The following LRRC4C variants were observed in gnomAD, a reference collection of about 807,000 sequenced individuals.
The protein encoded by LRRC4C is leucine rich repeat containing 4C.
In LRRC4C, 5 loss-of-function variants were observed where a neutral mutation model predicts 33.6. The ratio of observed to expected loss-of-function variants is 0.15; its 90% CI spans 0.08 to 0.31. LRRC4C has a LOEUF of 0.31. Ranked by LOEUF, LRRC4C falls within the 10% of genes least tolerant of loss-of-function variation. The pLI is 1.00. For synonymous variants in LRRC4C, 329 were observed against 302.0 expected, an observed-to-expected ratio of 1.09 and a Z score of -0.93; for missense variants, 560 against 796.7, an observed-to-expected ratio of 0.70 and a Z score of 3.58.
intron 4 of LRRC4C, among the ~76,000 whole-genome samples, chr11:40,295,558 T>G (rs1944467545): frequency 6.6e-6 from 1 of 152,212 alleles, no homozygotes; most frequent in Non-Finnish European, 1.5e-5. Context: ...GCTATTTTTT[T>G]CCTCTTCTGT....
intron 5 of LRRC4C, among the ~76,000 whole-genome samples, chr11:40,176,858 T>C (rs750653993): frequency 6.6e-6 from 1 of 151,786 alleles, no homozygotes; most frequent in African/African-American, 2.4e-5. Context: ...ACTTTTAAAA[T>C]TGCTCTTTTT....
intron 1 of LRRC4C, among the ~76,000 whole-genome samples, chr11:41,336,022 T>G (rs1951440830): frequency 6.6e-6 from 1 of 152,314 alleles, no homozygotes; most frequent in East Asian, 1.9e-4. Flanking sequence ...AGTCTATTTC[T>G]TATATTTGAG....
intron 2 of LRRC4C, among the ~76,000 whole-genome samples, chr11:40,841,928 G>T (rs530919108): frequency 6.6e-6 from 1 of 152,082 alleles, no homozygotes; most frequent in Admixed American, 6.6e-5. Context: ...CTTGAGCAGG[G>T]TATAATACAA....
chr11:41,044,047 A>T (rs531652124), intron 1 of LRRC4C, among the ~76,000 whole-genome samples: 86 of 152,126 alleles, frequency 5.7e-4, no homozygotes, highest in Non-Finnish European at 1.0e-3. Flanking sequence ...TAGAAACAAG[A>T]TTCCTGAATT....
intron 3 of LRRC4C, among the ~76,000 whole-genome samples, chr11:40,645,081 A>T (rs1383367869): frequency 6.6e-6 from 1 of 152,158 alleles, no homozygotes; most frequent in Non-Finnish European, 1.5e-5. Flanking sequence ...GAATGTCCTT[A>T]GTTGATTTTA....
In LRRC4C at chr11:40,649,932, T is replaced by A. The variant is rs1942690180; in HGVS notation, c.-406-1654A>T. ...CTTATAAATAGGGGAAGTTAGATAATAAGTCCATTTAAACTGAATACCATA... is the reference window on the plus strand; with the variant it reads ...CTTATAAATAGGGGAAGTTAGATAAAAAGTCCATTTAAACTGAATACCATA... On this transcript the variant is annotated intron_variant, in intron 2 of 6. Coordinates refer to ENST00000528697, the MANE Select transcript of LRRC4C (RefSeq NM_001258419.2). Among the ~76,000 whole-genome samples the A allele has an allele frequency of 1.3e-5, 2 of 152,320 alleles. 1 individual carries two copies. The highest frequency in any genetic ancestry group is 4.1e-4 in the South Asian group (2 of 4,824).
chr11:41,360,387 G>GA (rs1952312745), intron 1 of LRRC4C, among the ~76,000 whole-genome samples: 1 of 151,294 alleles, frequency 6.6e-6, no homozygotes, highest in Non-Finnish European at 1.5e-5. Flanking sequence ...AAGGGTCTTT[G>GA]AAAAAAATGG....
At chr11:40,762,870 C>T (rs1949285930) in intron 2 of LRRC4C, among the ~76,000 whole-genome samples, 1 of 151,664 alleles carries the variant, frequency 6.6e-6, no homozygotes, top group African/African-American at 2.4e-5. Flanking sequence ...CTACTGATAC[C>T]CTTGTAAATT....
intron 3 of LRRC4C, among the ~76,000 whole-genome samples, chr11:40,544,109 A>C (rs917560620): frequency 7.9e-5 from 12 of 152,088 alleles, no homozygotes; most frequent in African/African-American, 2.7e-4. Flanking sequence ...GATTTTAAAA[A>C]CATCTATAGT....
At chr11:40,217,059 G>C (rs1864029492) in intron 5 of LRRC4C, among the ~76,000 whole-genome samples, 1 of 152,058 alleles carries the variant, frequency 6.6e-6, no homozygotes, top group South Asian at 2.1e-4. Context: ...AGAGTGATGT[G>C]GTTGGAAAGG....
intron 1 of LRRC4C, among the ~76,000 whole-genome samples, chr11:41,189,237 A>G (rs1247487989): frequency 6.6e-6 from 1 of 152,196 alleles, no homozygotes; most frequent in Non-Finnish European, 1.5e-5. Context: ...ATCATTGAAC[A>G]TGGTCAGTGC....
intron 3 of LRRC4C, among the ~76,000 whole-genome samples, chr11:40,614,993 CACAGGAACACA>C (rs1425111263): frequency 6.6e-6 from 1 of 151,442 alleles, no homozygotes; most frequent in African/African-American, 2.4e-5. Context: ...TAAAACGTAA[CACAGGAACACA>C]AAGTGAGCAC....
intron 5 of LRRC4C, among the ~76,000 whole-genome samples, chr11:40,203,439 C>T (rs1390583306): frequency 6.6e-6 from 1 of 152,144 alleles, no homozygotes; most frequent in African/African-American, 2.4e-5. Flanking sequence ...TTATACCTTT[C>T]TTCCATTCAA....
intron 1 of LRRC4C, among the ~76,000 whole-genome samples, chr11:40,968,299 T>C (rs1851494499): frequency 6.6e-6 from 1 of 152,102 alleles, no homozygotes; most frequent in Admixed American, 6.6e-5. Flanking sequence ...CAGAGGTTGG[T>C]TCACCAGGCT....
At chr11:40,332,049 T>C (rs537128690) in intron 3 of LRRC4C, among the ~76,000 whole-genome samples, 162 of 152,318 alleles carry the variant, frequency 1.1e-3, no homozygotes, top group Non-Finnish European at 1.6e-3. Flanking sequence ...GCAATTTCTG[T>C]GATGAAGCTT....
In LRRC4C at chr11:40,344,564, G is replaced by A. The variant is rs558253169; in HGVS notation, c.-269-24843C>T. On this transcript the variant is annotated intron_variant, in intron 3 of 6. Transcript: ENST00000528697. ...CAACATCATAATGAATGGGCAAAAA[G>A]TGTAAGCATTTCCCTTAAAAACCAG... Among the ~76,000 whole-genome samples, 7 of 152,090 alleles carry A rather than the reference G, an allele frequency of 4.6e-5. No individual in the cohort carries two copies. The East Asian group carries it at 5.8e-4, about 13-fold the overall frequency.
chr11:40,458,472 A>T (rs1440119), intron 3 of LRRC4C, among the ~76,000 whole-genome samples: 6,183 of 152,186 alleles, frequency 0.041, 398 homozygotes, highest in African/African-American at 0.14. Flanking sequence ...AAACATCATA[A>T]AATACTAATT....
chr11:40,639,417 G>A (rs941136437), intron 3 of LRRC4C, among the ~76,000 whole-genome samples: 2 of 152,164 alleles, frequency 1.3e-5, no homozygotes, highest in Admixed American at 6.5e-5. Context: ...TCACACCACA[G>A]AAACATGCAA....
At chr11:40,248,213 A>C (rs2136153545) in intron 4 of LRRC4C, among the ~76,000 whole-genome samples, 1 of 152,176 alleles carries the variant, frequency 6.6e-6, no homozygotes, top group South Asian at 2.1e-4. Context: ...AGCTTTTTTC[A>C]ACACCTCTTC....
Sources: gnomAD v4.1 joint callset for allele counts (sites outside exome capture counted in the v4.1 genomes callset) on GRCh38, gnomAD v4.1.1 for gene constraint, MANE v1.5 for transcripts, NCBI Gene and HGNC (gene_info 2026-07-23, HGNC 2026-07-21) for gene names.